GNB5: variants seen among roughly 807,000 people sequenced by gnomAD.
GNB5 encodes guanine nucleotide-binding protein subunit beta-5.
Under a neutral mutation model 55.3 loss-of-function variants are expected in GNB5, and 37 were observed. That is an observed-to-expected ratio of 0.67 (90% CI 0.51 to 0.88). The LOEUF (loss-of-function observed/expected upper bound fraction) is 0.88, where lower values mean the gene tolerates loss of function less well. Among genes scored for constraint, GNB5 ranks in the 40% least tolerant of loss-of-function variants. The probability of loss-of-function intolerance (pLI) is 0.00; values close to 1 mark genes in which losing one functional copy is unlikely to be tolerated. For synonymous variants in GNB5, 219 were observed against 198.5 expected (o/e 1.10, Z -0.87); for missense variants, 476 against 515.3 (o/e 0.92, Z 0.74).
chr15:52,140,985 T>G (rs2033839250), intron 7 of GNB5, among the ~76,000 whole-genome samples, 155 bp downstream of exon 7: 1 of 152,176 alleles, frequency 6.6e-6, no homozygotes, highest in Non-Finnish European at 1.5e-5. Flanking sequence ...ATTAAAATAA[T>G]AATAACTAAT....
intron 8 of GNB5, 92 bp from the exon 9 acceptor site, chr15:52,133,561 T>C (rs1394455465): frequency 2.5e-6 from 2 of 811,556 alleles, no homozygotes; most frequent in Non-Finnish European, 4.3e-6. Context: ...GACCATTTAT[T>C]TCCCATTAGC....
At position 52,116,513 on chromosome 15, in the gene GNB5, CA is replaced by C. The variant is rs2033143689; in HGVS notation, c.*6243del. 1 of 152,076 alleles carries C rather than the reference CA, an allele frequency of 6.6e-6. No individual in the cohort carries two copies. The highest frequency in any genetic ancestry group is 2.1e-4 in the South Asian group (1 of 4,830). The allele number at this position is 152,076 out of a possible 1,614,324, so 9.4% of individuals were successfully genotyped here. A position where few individuals can be genotyped will look rare whatever the true frequency, so the allele number is the denominator to read the frequency against. ...TGGGGTACAGTGTGTTATTTTGATA[CA>C]TGTATACAATGTGTAATGATCAGGG... On this transcript the variant is annotated 3_prime_UTR_variant, in exon 13 of 13. Transcript: ENST00000261837.
chr15:52,133,344 A>G, intron 9 of GNB5, 34 bp downstream of exon 9: 1 of 1,383,974 alleles, frequency 7.2e-7, no homozygotes, highest in Non-Finnish European at 1.0e-6. Context: ...TGCCGGCAGA[A>G]CAGAGAGGTG....
intron 7 of GNB5, chr15:52,140,017 C>A: frequency 2.6e-6 from 3 of 1,148,176 alleles, no homozygotes; most frequent in Non-Finnish European, 2.2e-6. Flanking sequence ...TCAGTGGCCA[C>A]AGCGCCCCCT....
intron 3 of GNB5, among the ~76,000 whole-genome samples, chr15:52,166,211 A>C (rs2034447388): frequency 6.6e-6 from 1 of 152,220 alleles, no homozygotes; most frequent in Non-Finnish European, 1.5e-5. Context: ...ACAGATCTAC[A>C]AAGAGACTTA....
At position 52,174,323 on chromosome 15, in the gene GNB5, A is replaced by G. The variant is rs148207292; in HGVS notation, c.238+5445T>C. On this transcript the variant is annotated intron_variant, in intron 3 of 12. Transcript: ENST00000261837. Reference sequence around the variant, plus strand: ...TGTGGAAATTTGTACAGTAGCAATCAGAAATGAATGCACACTGTAACCATA... The same window carrying G: ...TGTGGAAATTTGTACAGTAGCAATCGGAAATGAATGCACACTGTAACCATA... Among the ~76,000 whole-genome samples, 748 of 152,380 alleles carry G rather than the reference A, an allele frequency of 4.9e-3. 18 individuals carry two copies. The highest frequency in any genetic ancestry group is 0.026 in the Admixed American group (398 of 15,312).
In GNB5 at chr15:52,117,673, G is replaced by C. The variant is rs1345801518; in HGVS notation, c.*5084C>G. On this transcript the variant is annotated 3_prime_UTR_variant, in exon 13 of 13. Transcript: ENST00000261837. ...AGAAGCAGGAGTCTGTGGTATGTCT[G>C]GAAGAGTGACCCAATTCTCTCCGGT... The C allele has an allele frequency of 1.3e-5, 2 of 152,378 alleles. No individual in the cohort carries two copies. The highest frequency in any genetic ancestry group is 2.4e-5 in the African/African-American group (1 of 41,464). The allele number at this position is 152,378 out of a possible 1,614,324, so 9.4% of individuals were successfully genotyped here. A position where few individuals can be genotyped will look rare whatever the true frequency, so the allele number is the denominator to read the frequency against.
intron 10 of GNB5, among the ~76,000 whole-genome samples, chr15:52,127,281 T>G (rs747030890): frequency 2.0e-5 from 3 of 152,224 alleles, no homozygotes; most frequent in Non-Finnish European, 4.4e-5. Context: ...TGCAATTCTT[T>G]GATTATAGGT....
intron 3 of GNB5, among the ~76,000 whole-genome samples, chr15:52,171,832 T>C (rs2034559819): frequency 6.6e-6 from 1 of 152,242 alleles, no homozygotes; most frequent in Admixed American, 6.5e-5. Flanking sequence ...AAATTACATT[T>C]AGAATAGATA....
At chr15:52,171,605 G>A (rs1015968884) in intron 3 of GNB5, among the ~76,000 whole-genome samples, 11 of 152,228 alleles carry the variant, frequency 7.2e-5, no homozygotes, top group Non-Finnish European at 1.5e-4. Flanking sequence ...CAGGAGGCAT[G>A]TGGCCAAACA....
chr15:52,172,450 C>T (rs74942945), intron 3 of GNB5, among the ~76,000 whole-genome samples: 2,402 of 152,044 alleles, frequency 0.016, 107 homozygotes, highest in South Asian at 0.13. Flanking sequence ...TTGATCTTGA[C>T]TCCCATTCTA....
chr15:52,172,631 A>G (rs2034575212), intron 3 of GNB5, among the ~76,000 whole-genome samples: 1 of 152,050 alleles, frequency 6.6e-6, no homozygotes, highest in African/African-American at 2.4e-5. Flanking sequence ...AAATGCAAAA[A>G]TTAGCCAGGT....
At chr15:52,124,097 C>T (rs894514398) in intron 12 of GNB5, among the ~76,000 whole-genome samples, 1 of 150,670 alleles carries the variant, frequency 6.6e-6, no homozygotes, top group African/African-American at 2.4e-5. Context: ...ATCACAAGGT[C>T]AATAATCGTA....
At chr15:52,155,361 A>T (rs969582043) in intron 3 of GNB5, among the ~76,000 whole-genome samples, 1 of 152,196 alleles carries the variant, frequency 6.6e-6, no homozygotes, top group African/African-American at 2.4e-5. Context: ...GAGAGGTGCC[A>T]ACTCTGTGGT....
chr15:52,144,362 T>C (rs151283715), intron 6 of GNB5: 24 of 152,362 alleles, frequency 1.6e-4, no homozygotes, highest in Admixed American at 1.2e-3. Flanking sequence ...TATTTCAATA[T>C]TGGATATTGA....
chr15:52,162,645 A>G (rs1303646257), intron 3 of GNB5: 1 of 152,234 alleles, frequency 6.6e-6, no homozygotes, highest in Non-Finnish European at 1.5e-5. Flanking sequence ...TTGGTAGATT[A>G]AAGGAATCAA....
At chr15:52,149,212 CAG>C (rs2034040530) in intron 5 of GNB5, 1 of 152,584 alleles carries the variant, frequency 6.6e-6, no homozygotes, top group Admixed American at 6.5e-5. Context: ...CACTATGAGA[CAG>C]AGACAGGTCT....
chr15:52,189,761 G>A (rs1394970864), intron 1 of GNB5, among the ~76,000 whole-genome samples: 1 of 152,174 alleles, frequency 6.6e-6, no homozygotes, highest in Non-Finnish European at 1.5e-5. Flanking sequence ...TCTGACACAT[G>A]CTACAACATG....
At chr15:52,158,906 C>T (rs1409401155) in intron 3 of GNB5, among the ~76,000 whole-genome samples, 1 of 152,026 alleles carries the variant, frequency 6.6e-6, no homozygotes, top group South Asian at 2.1e-4. Flanking sequence ...TTCCATACAA[C>T]GTGGGACTTG....
Sources: gnomAD v4.1 joint callset for allele counts (sites outside exome capture counted in the v4.1 genomes callset) on GRCh38, gnomAD v4.1.1 for gene constraint, MANE v1.5 for transcripts, NCBI Gene and HGNC (gene_info 2026-07-23, HGNC 2026-07-21) for gene names.